TRAPPC9: variants seen among roughly 807,000 people sequenced by gnomAD.
TRAPPC9 encodes trafficking protein particle complex subunit 9, also known as IKK2 binding protein.
A neutral mutation model predicts 124.0 loss-of-function variants in TRAPPC9; 83 were observed. That is an observed-to-expected ratio of 0.67 (90% CI 0.56 to 0.80). The LOEUF is 0.80. Among genes scored for constraint, TRAPPC9 ranks in the 30% least tolerant of loss-of-function variants. TRAPPC9 has a pLI of 0.00. For synonymous variants in TRAPPC9, 638 were observed against 617.5 expected, an observed-to-expected ratio of 1.03 and a Z score of -0.49; for missense variants, 1,302 against 1,508.3, an observed-to-expected ratio of 0.86 and a Z score of 2.27.
chr8:140,005,384 C>T (rs950563779), intron 18 of TRAPPC9, among the ~76,000 whole-genome samples: 1 of 152,178 alleles, frequency 6.6e-6, no homozygotes, highest in Admixed American at 6.5e-5. Context: ...AGCACCAGCA[C>T]ATGAAGCACA....
intron 13 of TRAPPC9, among the ~76,000 whole-genome samples, chr8:140,286,090 C>T (rs943039567): frequency 1.3e-5 from 2 of 152,212 alleles, no homozygotes; most frequent in Admixed American, 1.3e-4. Flanking sequence ...GAGCCCATGC[C>T]GAGGAAGGCT....
rs955685127 is a variant in TRAPPC9 at position 139,732,061 on chromosome 8, T to G, written c.3197A>C (p.Gln1066Pro). Residue 1066 changes from glutamine (Q) to proline (P), a missense_variant, in exon 22 of 23, where the codon CAG becomes CCG. Physicochemically the swap from Gln to Pro is moderately conservative, Grantham distance 76 (BLOSUM62 -1). This residue lies in a region of TRAPPC9 where 640 missense variants were observed against 679.3 expected (regional missense o/e 0.94). Transcript: ENST00000438773. ...GPFALTVVPF[Q>P]DHQNGVHNYD... Reference sequence around the variant, plus strand: ...GTTGTGCACGCCGTTCTGGTGGTCCTGGAAGGGGACCACAGTGAGGGCGAA... The same window carrying G: ...GTTGTGCACGCCGTTCTGGTGGTCCGGGAAGGGGACCACAGTGAGGGCGAA... 6.2e-7 allele frequency: 1 copy of G among 1,605,024 alleles called. No homozygotes were observed.
chr8:140,455,630 C>G (rs1588391528), intron 1 of TRAPPC9, among the ~76,000 whole-genome samples: 4 of 150,984 alleles, frequency 2.6e-5, no homozygotes, highest in Admixed American at 2.6e-4. Flanking sequence ...GGGGTTTCAC[C>G]ATGTTGGCCG....
At chr8:140,405,228 G>T (rs1213589426) in intron 6 of TRAPPC9, 1 of 179,960 alleles carries the variant, frequency 5.6e-6, no homozygotes, top group Non-Finnish European at 1.2e-5. Flanking sequence ...AGACTAAAAT[G>T]GGTCACCACA....
intron 11 of TRAPPC9, among the ~76,000 whole-genome samples, chr8:140,297,740 A>T (rs148053490): frequency 1.3e-5 from 2 of 152,350 alleles, no homozygotes; most frequent in East Asian, 3.9e-4. Context: ...TTCGAGTTCA[A>T]CGTGTAAGTA....
chr8:140,148,142 G>A (rs1244420367), intron 17 of TRAPPC9, among the ~76,000 whole-genome samples: 1 of 152,190 alleles, frequency 6.6e-6, no homozygotes, highest in African/African-American at 2.4e-5. Context: ...TGAGGCCCAG[G>A]GCTAGGGAAG....
intron 19 of TRAPPC9, among the ~76,000 whole-genome samples, chr8:139,910,946 G>A (rs550589960): frequency 6.6e-6 from 1 of 152,334 alleles, no homozygotes; most frequent in South Asian, 2.1e-4. Flanking sequence ...TTGAGTTAAT[G>A]TTGAAATCAG....
intron 11 of TRAPPC9, among the ~76,000 whole-genome samples, chr8:140,298,895 A>C (rs1348153316): frequency 1.3e-5 from 2 of 152,212 alleles, no homozygotes; most frequent in Non-Finnish European, 2.9e-5. Flanking sequence ...GGTGCTGGGG[A>C]GACAGCAGCT....
At chr8:139,896,229 C>T (rs1318949728) in intron 20 of TRAPPC9, among the ~76,000 whole-genome samples, 1 of 152,190 alleles carries the variant, frequency 6.6e-6, no homozygotes, top group Non-Finnish European at 1.5e-5. Flanking sequence ...AGTTGTAATA[C>T]TACAACATAC....
chr8:140,014,700 A>T (rs1364954200), intron 18 of TRAPPC9, among the ~76,000 whole-genome samples: 7 of 152,214 alleles, frequency 4.6e-5, no homozygotes, highest in Admixed American at 4.6e-4. Context: ...CCCAGGTCAG[A>T]GCAGGTGTGG....
At chr8:139,835,679 C>T (rs1003875278) in intron 21 of TRAPPC9, among the ~76,000 whole-genome samples, 3 of 151,666 alleles carry the variant, frequency 2.0e-5, no homozygotes, top group African/African-American at 4.8e-5. Flanking sequence ...TTAATTAAGG[C>T]GGAGATTGAT....
intron 14 of TRAPPC9, among the ~76,000 whole-genome samples, chr8:140,282,502 C>CAA (rs549294612): frequency 1.3e-3 from 130 of 99,642 alleles, no homozygotes; most frequent in African/African-American, 1.8e-3. Context: ...GACTCCACCT[C>CAA]AAAAAAAAAA....
rs2070914418 is a variant in TRAPPC9 at position 140,438,943 on chromosome 8, G to C, written c.730+109C>G. The stretch of plus-strand genomic sequence containing the variant: ...TTGACCTCATATTTGGCCTGCCGTA[G>C]CCTCCCAAAGTGCTGGGATTACAGG... On this transcript the variant is annotated intron_variant, in intron 3 of 22. Coordinates refer to ENST00000438773, the MANE Select transcript of TRAPPC9 (RefSeq NM_001160372.4). 21 of 1,410,336 alleles carry C rather than the reference G, an allele frequency of 1.5e-5. 1 individual carries two copies. The South Asian group carries it at 2.3e-4, about 16-fold the overall frequency. The allele number at this position is 1,410,336 out of a possible 1,614,324, so 87.4% of individuals were successfully genotyped here. A position where few individuals can be genotyped will look rare whatever the true frequency, so the allele number is the denominator to read the frequency against.
intron 9 of TRAPPC9, among the ~76,000 whole-genome samples, chr8:140,344,165 TCCCTCGC>T (rs1434368873): frequency 6.6e-6 from 1 of 151,984 alleles, no homozygotes; most frequent in African/African-American, 2.4e-5. Flanking sequence ...CCCAGAGAGC[TCCCTCGC>T]CCCTTCCAGC....
chr8:140,135,292 A>G (rs188576038), intron 17 of TRAPPC9, among the ~76,000 whole-genome samples: 3 of 152,350 alleles, frequency 2.0e-5, no homozygotes, highest in East Asian at 3.9e-4. Context: ...CTCGTAAGTC[A>G]TAGAAACTCC....
chr8:140,279,594 A>G (rs2065239593), intron 14 of TRAPPC9, among the ~76,000 whole-genome samples: 1 of 152,108 alleles, frequency 6.6e-6, no homozygotes, highest in Admixed American at 6.5e-5. Context: ...TGGGATCCAC[A>G]TTCCTCCCCA....
chr8:140,173,582 G>T (rs1001817167), intron 17 of TRAPPC9, among the ~76,000 whole-genome samples: 1 of 151,576 alleles, frequency 6.6e-6, no homozygotes, highest in Non-Finnish European at 1.5e-5. Flanking sequence ...AAATCTTCTG[G>T]TTAGCCCACT....
rs543550827 is a variant in TRAPPC9, at chr8:139,778,235, G to C, written c.3056-46033C>G. On this transcript the variant is annotated intron_variant, in intron 21 of 22. Transcript: ENST00000438773. ...ACATTTAGCTCTTGCATTAGTAGTG[G>C]GGAATAATTAGTCCTAGACTAAACA... Among the ~76,000 whole-genome samples the C allele has an allele frequency of 2.6e-5, 4 of 152,174 alleles. No individual in the cohort carries two copies. In the South Asian group the frequency reaches 8.3e-4, roughly 32 times the overall value.
chr8:140,346,105 A>G (rs1372369914), intron 9 of TRAPPC9, among the ~76,000 whole-genome samples: 1 of 152,158 alleles, frequency 6.6e-6, no homozygotes, highest in East Asian at 1.9e-4. Context: ...CCAAATCCAT[A>G]CTCAGACATG....
Sources: allele counts gnomAD v4.1 joint callset (sites outside exome capture counted in the v4.1 genomes callset), GRCh38; gene constraint gnomAD v4.1.1; regional missense constraint gnomAD v4.1.1; transcripts MANE v1.5; gene names NCBI Gene and HGNC (gene_info 2026-07-23, HGNC 2026-07-21).